Variants in NCKAP1L observed in about 807,000 individuals in gnomAD.
The protein encoded by NCKAP1L is nck-associated protein 1-like.
NCKAP1L carries 53 observed loss-of-function variants against 139.2 expected under a neutral mutation model. The ratio of observed to expected loss-of-function variants is 0.38; its 90% CI spans 0.31 to 0.48. The LOEUF is 0.48. NCKAP1L is among the 20% of genes least tolerant of loss of function. NCKAP1L has a pLI of 0.98. For missense variants in NCKAP1L, 1,151 were observed against 1,381.9 expected, an observed-to-expected ratio of 0.83 and a Z score of 2.65; for synonymous variants, 468 against 499.7, an observed-to-expected ratio of 0.94 and a Z score of 0.85.
rs760646663 is a variant in NCKAP1L, at chr12:54,531,821, G to C, written c.2777G>C (p.Arg926Pro). The C allele has an allele frequency of 6.2e-7, 1 of 1,610,224 alleles. No individual in the cohort carries two copies. The highest frequency in any genetic ancestry group is 8.5e-7 in the Non-Finnish European group (1 of 1,176,696). Residue 926 changes from arginine to proline, a missense_variant, in exon 25 of 31, where the codon CGG becomes CCG. Physicochemically the swap from Arg to Pro is moderately radical, Grantham distance 103. Transcript: ENST00000293373. ...AGGGCCATGGCCCAAGAGGGACTTCGGGAGGTGAGTTGGTGGGGAGGGGTC... is the reference window on the plus strand; with the variant it reads ...AGGGCCATGGCCCAAGAGGGACTTCCGGAGGTGAGTTGGTGGGGAGGGGTC... Reference protein sequence around the residue: ...SFRAMAQEGLREVFSSHCPFL... With the variant: ...SFRAMAQEGLPEVFSSHCPFL...
chr12:54,522,504 C>T (rs1029468111), intron 18 of NCKAP1L, among the ~76,000 whole-genome samples: 30 of 152,204 alleles, frequency 2.0e-4, no homozygotes, highest in African/African-American at 6.8e-4. Flanking sequence ...ATTGCCATTA[C>T]TAGTGGAATT....
chr12:54,519,251 T>C lies in NCKAP1L; in HGVS notation c.1544T>C (p.Met515Thr). 1 of 1,589,776 alleles carries C rather than the reference T, an allele frequency of 6.3e-7. No individual in the cohort carries two copies. The highest frequency in any genetic ancestry group is 8.5e-7 in the Non-Finnish European group (1 of 1,173,558). Residue 515 changes from methionine (M) to threonine (T), a missense_variant, in exon 16 of 31, where the codon ATG (methionine) becomes ACG (threonine). Met to Thr is a moderately conservative substitution (Grantham distance 81). Coordinates refer to ENST00000293373, the MANE Select transcript of NCKAP1L (RefSeq NM_005337.5). ...GAGAACCCTGACTTAGCCAAGGTGA[T>C]GAACCTCATTGTCTTCCACTCCCGA... ...LHENPDLAKV[M>T]NLIVFHSRML...
At chr12:54,516,351 C>G (rs539916082) in intron 10 of NCKAP1L, 56 bp downstream of exon 10, 2 of 1,530,168 alleles carry the variant, frequency 1.3e-6, no homozygotes, top group South Asian at 2.3e-5. Flanking sequence ...TCTCTTCTCA[C>G]TTTTGTTCTC....
chr12:54,499,304 T>C, intron 1 of NCKAP1L, 51 bp from the exon 2 acceptor site: 1 of 1,017,524 alleles, frequency 9.8e-7, no homozygotes, highest in South Asian at 1.3e-5. Context: ...AAGAGGTATG[T>C]TTCTGAGGAG....
At position 54,528,231 on chromosome 12, in the gene NCKAP1L, T is replaced by C; in HGVS notation, c.2376-16T>C. 6.2e-7 allele frequency: 1 copy of C among 1,612,838 alleles called. No individual in the cohort carries two copies. Among genetic ancestry groups the C allele is most frequent in the African/African-American group, 1.3e-5 (1 of 74,998 alleles). The stretch of plus-strand genomic sequence containing the variant: ...GGATTGGATCCTAATCTATGTTTTC[T>C]TGGCCAACCCTGTAGGTACCTGGAA... On this transcript the variant is annotated splice_polypyrimidine_tract_variant and intron_variant, in intron 21 of 30. Coordinates refer to ENST00000293373, the MANE Select transcript of NCKAP1L (RefSeq NM_005337.5).
At chr12:54,508,350 G>A (rs769951018) in intron 4 of NCKAP1L, 39 bp from the exon 5 acceptor site, 4 of 1,610,326 alleles carry the variant, frequency 2.5e-6, no homozygotes, top group African/African-American at 1.3e-5. Context: ...AGGTTAATTG[G>A]CCATGCTGTC....
At chr12:54,508,291 C>T (rs550893776) in intron 4 of NCKAP1L, 98 bp from the exon 5 acceptor site, 23 of 1,184,272 alleles carry the variant, frequency 1.9e-5, no homozygotes, top group Middle Eastern at 2.0e-4. Context: ...TAGATTCACT[C>T]GGAATATATT....
chr12:54,500,460 G>A lies in NCKAP1L; in HGVS notation c.214-73G>A, dbSNP rs1193214814. On this transcript the variant is annotated intron_variant, in intron 2 of 30. Coordinates refer to ENST00000293373, the MANE Select transcript of NCKAP1L (RefSeq NM_005337.5). ...TAAGAATGTTTTAGGTATAACCACT[G>A]TTCTTCTTGAGTTATTTGGATCAAT... is the stretch of plus-strand genomic sequence containing the variant. The A allele has an allele frequency of 4.7e-6, 5 of 1,070,388 alleles. No individual in the cohort carries two copies. The African/African-American group carries it at 4.7e-5, about 10-fold the overall frequency. 66.3% of individuals were successfully genotyped at this position (1,070,388 alleles called of 1,614,324 possible).
intron 2 of NCKAP1L, among the ~76,000 whole-genome samples, chr12:54,500,167 AG>A (rs1194594271): frequency 4.7e-5 from 7 of 148,468 alleles, no homozygotes; most frequent in African/African-American, 1.7e-4. Flanking sequence ...TCTGTCACCC[AG>A]GCTGGAGTGC....
chr12:54,536,308 G>C, intron 28 of NCKAP1L, 63 bp downstream of exon 28: 1 of 1,179,136 alleles, frequency 8.5e-7, no homozygotes, highest in Admixed American at 1.7e-5. Flanking sequence ...GGTAGAGAGA[G>C]GAGACAGAGA....
chr12:54,518,370 C>T (rs1048649354), intron 13 of NCKAP1L, among the ~76,000 whole-genome samples: 1 of 151,922 alleles, frequency 6.6e-6, no homozygotes, highest in Non-Finnish European at 1.5e-5. Flanking sequence ...TCTGCCCCTT[C>T]ATATTTGTTA....
At chr12:54,525,874 T>C (rs1957021938) in intron 20 of NCKAP1L, among the ~76,000 whole-genome samples, 1 of 152,152 alleles carries the variant, frequency 6.6e-6, no homozygotes, top group Non-Finnish European at 1.5e-5. Context: ...TCTCAGATAC[T>C]TGGGGGAGGT....
chr12:54,525,503 T>C (rs1221230228), intron 20 of NCKAP1L, among the ~76,000 whole-genome samples: 2 of 152,212 alleles, frequency 1.3e-5, no homozygotes, highest in African/African-American at 4.8e-5. Flanking sequence ...TTCCAGGCCC[T>C]GGAGCAGCAT....
In NCKAP1L at chr12:54,509,914, T is replaced by C; in HGVS notation, c.664T>C (p.Trp222Arg). ...FVRRNQGAEQ[W>R]RSAQLLSLIS... ...CCGAAGAAACCAGGGGGCTGAGCAG[T>C]GGCGCAGTGCCCAACTTCTAAGCCT... is the stretch of plus-strand genomic sequence containing the variant. The change falls in exon 7 of 31, where the codon TGG becomes CGG. Residue 222 changes from tryptophan (W) to arginine (R), a missense_variant. Trp to Arg is a moderately radical substitution (Grantham distance 101). Coordinates refer to ENST00000293373, the MANE Select transcript of NCKAP1L (RefSeq NM_005337.5). 2.5e-6 allele frequency: 4 copies of C among 1,614,208 alleles called. No homozygotes were observed. The highest frequency in any genetic ancestry group is 3.4e-6 in the Non-Finnish European group (4 of 1,180,024).
At chr12:54,509,345 G>A (rs765778720) in intron 5 of NCKAP1L, among the ~76,000 whole-genome samples, 5 of 152,088 alleles carry the variant, frequency 3.3e-5, no homozygotes, top group African/African-American at 7.2e-5. Flanking sequence ...GTTGTATAAC[G>A]ATTTGAATCT....
intron 3 of NCKAP1L, 104 bp from the exon 4 acceptor site, chr12:54,507,748 GC>G: frequency 1.0e-6 from 1 of 1,001,718 alleles, no homozygotes; most frequent in Non-Finnish European, 1.6e-6. Flanking sequence ...TTACTTGGTG[GC>G]TTTCTAGGAC....
chr12:54,532,156 T>A lies in NCKAP1L; in HGVS notation c.2782-14T>A, dbSNP rs1472534487. 16 of 1,607,128 alleles carry A rather than the reference T, an allele frequency of 1.0e-5. No homozygotes were observed. The highest frequency in any genetic ancestry group is 2.7e-5 in the African/African-American group (2 of 74,608). ...CATGGTCTTGTGGACTCATTTATCT[T>A]CTCTTTCCTCCAGGTTTTCTCCTCC... is the stretch of plus-strand genomic sequence containing the variant. On this transcript the variant is annotated splice_polypyrimidine_tract_variant and intron_variant, in intron 25 of 30. Transcript: ENST00000293373.
chr12:54,541,096 G>C (rs1318559304), intron 30 of NCKAP1L, among the ~76,000 whole-genome samples: 1 of 152,222 alleles, frequency 6.6e-6, no homozygotes, highest in Non-Finnish European at 1.5e-5. Flanking sequence ...TTGCCAGTCT[G>C]TTCCTGGCAC....
intron 1 of NCKAP1L, chr12:54,498,764 G>A (rs1022240214): frequency 2.3e-5 from 23 of 984,788 alleles, no homozygotes; most frequent in Non-Finnish European, 2.7e-5. Context: ...GTTGAGGGGC[G>A]GGGAAACAGC....
Sources: allele counts gnomAD v4.1 joint callset (sites outside exome capture counted in the v4.1 genomes callset), GRCh38; gene constraint gnomAD v4.1.1; transcripts MANE v1.5; gene names NCBI Gene and HGNC (gene_info 2026-07-23, HGNC 2026-07-21).